Variants in DIPK1A observed in about 807,000 individuals in gnomAD.
DIPK1A encodes the protein family with sequence similarity 69 member A.
Under a neutral mutation model 40.8 loss-of-function variants are expected in DIPK1A, and 27 were observed. The observed-to-expected ratio is 0.66, with a 90% confidence interval of 0.49 to 0.91. The LOEUF is 0.91. DIPK1A is among the 40% of genes least tolerant of loss of function. DIPK1A has a pLI of 0.00. For missense variants in DIPK1A, 412 were observed against 505.7 expected, an observed-to-expected ratio of 0.81 and a Z score of 1.78; for synonymous variants, 166 against 171.3, an observed-to-expected ratio of 0.97 and a Z score of 0.24.
At chr1:92,920,478 AG>A (rs1283562016) in intron 1 of DIPK1A, among the ~76,000 whole-genome samples, 4 of 152,198 alleles carry the variant, frequency 2.6e-5, no homozygotes. Flanking sequence ...CCCAGTATCG[AG>A]TATGTCTTTA....
chr1:92,848,879 A>G (rs1209701178), intron 3 of DIPK1A, among the ~76,000 whole-genome samples: 4 of 152,248 alleles, frequency 2.6e-5, no homozygotes, highest in African/African-American at 9.6e-5. Context: ...ATGCATATTT[A>G]TATAGGAAAA....
At chr1:92,909,516 A>C (rs1649749354) in intron 1 of DIPK1A, among the ~76,000 whole-genome samples, 1 of 152,138 alleles carries the variant, frequency 6.6e-6, no homozygotes, top group Admixed American at 6.5e-5. Flanking sequence ...TCCTGTGATC[A>C]CTCTGGAAAG....
Position 92,844,171 on chromosome 1 carries a change from G to A in DIPK1A, c.499C>T (p.Leu167Phe), listed in dbSNP as rs1454485887. ...AAGATGAGATTAACCAGTTCAGAGA[G>A]GTTTCCTTGGTCACCCAATTTTGCC... ...FKAKLGDQGN[L>F]SELVNLILTV... The change falls in exon 5 of 5, where the codon CTC becomes TTC. Residue 167 changes from leucine to phenylalanine, a missense_variant. Coordinates refer to ENST00000370310, the MANE Select transcript of DIPK1A (RefSeq NM_001006605.5). 2 of 1,545,244 alleles carry A rather than the reference G, an allele frequency of 1.3e-6. No individual in the cohort carries two copies. The highest frequency in any genetic ancestry group is 2.7e-5 in the African/African-American group (2 of 72,830).
chr1:92,895,759 C>T (rs913340559), intron 1 of DIPK1A, among the ~76,000 whole-genome samples: 73 of 152,148 alleles, frequency 4.8e-4, no homozygotes, highest in Middle Eastern at 6.8e-3. Flanking sequence ...AAAACCCCAT[C>T]GTCTCAGCCC....
At chr1:92,865,565 A>G (rs1647495969) in intron 2 of DIPK1A, among the ~76,000 whole-genome samples, 1 of 152,058 alleles carries the variant, frequency 6.6e-6, no homozygotes, top group Admixed American at 6.6e-5. Flanking sequence ...TACCATTCCC[A>G]CTCCATTTCC....
downstream of DIPK1A, among the ~76,000 whole-genome samples, chr1:92,839,050 T>TCC (rs1553122502): frequency 7.3e-5 from 11 of 149,968 alleles, no homozygotes; most frequent in African/African-American, 2.4e-4. Flanking sequence ...TTTTTTTTTT[T>TCC]CAGTGAGTTT....
intron 2 of DIPK1A, among the ~76,000 whole-genome samples, chr1:92,872,234 T>C (rs1647905206): frequency 6.6e-6 from 1 of 151,720 alleles, no homozygotes; most frequent in South Asian, 2.1e-4. Flanking sequence ...TGTGTGCCAC[T>C]ACACTCGGCT....
chr1:92,877,977 C>A (rs555001182), intron 1 of DIPK1A, among the ~76,000 whole-genome samples: 2 of 152,320 alleles, frequency 1.3e-5, no homozygotes, highest in East Asian at 3.9e-4. Flanking sequence ...AGTCACTGGG[C>A]AAGAAGCCAA....
intron 4 of DIPK1A, among the ~76,000 whole-genome samples, chr1:92,846,892 C>CGTATAT (rs1687655183): frequency 1.6e-4 from 1 of 6,416 alleles, no homozygotes; most frequent in Non-Finnish European, 2.8e-4. Flanking sequence ...TACACACACA[C>CGTATAT]GTATATATAT....
At position 92,877,704 on chromosome 1, in the gene DIPK1A, T is replaced by C. The variant is rs565997014; in HGVS notation, c.55-1274A>G. 3.3e-5 allele frequency among the ~76,000 whole-genome samples: 5 copies of C among 152,344 alleles called. No individual in the cohort carries two copies. In the South Asian group the frequency reaches 1.0e-3, roughly 32 times the overall value. On this transcript the variant is annotated intron_variant, in intron 1 of 4. Coordinates refer to ENST00000370310, the MANE Select transcript of DIPK1A (RefSeq NM_001006605.5). ...AAAGTGCCTTAATGCAAGATACTTT[T>C]GTATTGCTCTAAGTAAAAAGAAAGT...
At chr1:92,949,632 A>G (rs1248779772) in intron 1 of DIPK1A, among the ~76,000 whole-genome samples, 1 of 152,172 alleles carries the variant, frequency 6.6e-6, no homozygotes, top group African/African-American at 2.4e-5. Flanking sequence ...GGATGTGTAC[A>G]GTTTTCTTTA....
chr1:92,894,260 A>T (rs976394702), intron 1 of DIPK1A, among the ~76,000 whole-genome samples: 9 of 151,956 alleles, frequency 5.9e-5, no homozygotes, highest in Non-Finnish European at 8.8e-5. Context: ...GAAGTAAAGC[A>T]CTCCTCATCA....
At chr1:92,870,068 TTA>T (rs367803576) in intron 2 of DIPK1A, among the ~76,000 whole-genome samples, 55,089 of 116,592 alleles carry the variant, frequency 0.47, 10,745 homozygotes, top group South Asian at 0.59. Context: ...CTTACATGAA[TTA>T]TATATACACA....
intron 1 of DIPK1A, among the ~76,000 whole-genome samples, chr1:92,923,106 C>A (rs1226272977): frequency 6.6e-6 from 1 of 152,046 alleles, no homozygotes; most frequent in Non-Finnish European, 1.5e-5. Flanking sequence ...TTCATCTCAG[C>A]CTATTTGCTC....
chr1:92,926,355 C>T (rs550359638), intron 1 of DIPK1A, among the ~76,000 whole-genome samples: 20 of 152,202 alleles, frequency 1.3e-4, no homozygotes, highest in African/African-American at 4.6e-4. Context: ...TATTTTAATT[C>T]AACTGTAATC....
At chr1:92,892,097 C>T (rs1557472285) in intron 1 of DIPK1A, among the ~76,000 whole-genome samples, 1 of 152,076 alleles carries the variant, frequency 6.6e-6, no homozygotes, top group Admixed American at 6.6e-5. Flanking sequence ...CATAGCCAAA[C>T]AAAAGGCAGC....
chr1:92,879,913 G>T (rs1376895815), intron 1 of DIPK1A, among the ~76,000 whole-genome samples: 1 of 152,216 alleles, frequency 6.6e-6, no homozygotes, highest in Non-Finnish European at 1.5e-5. Flanking sequence ...GGCAGATTGT[G>T]TGCCTAGCTA....
intron 2 of DIPK1A, among the ~76,000 whole-genome samples, chr1:92,872,823 ACT>A (rs1360976668): frequency 6.6e-6 from 1 of 152,122 alleles, no homozygotes; most frequent in Non-Finnish European, 1.5e-5. Context: ...CAAGTTCATA[ACT>A]CTAATCTGTA....
At chr1:92,890,058 T>G (rs1341644585) in intron 1 of DIPK1A, among the ~76,000 whole-genome samples, 1 of 152,162 alleles carries the variant, frequency 6.6e-6, no homozygotes, top group Non-Finnish European at 1.5e-5. Flanking sequence ...TTTTATGTAT[T>G]TATTTATTTA....
Sources: allele counts gnomAD v4.1 joint callset (sites outside exome capture counted in the v4.1 genomes callset), GRCh38; gene constraint gnomAD v4.1.1; transcripts MANE v1.5; gene names NCBI Gene and HGNC (gene_info 2026-07-23, HGNC 2026-07-21).